Variants in LOC400499 observed in about 807,000 individuals in gnomAD.
chr16:11,450,974 A>T, the LOC400499 span, among the ~76,000 whole-genome samples: 1 of 152,222 alleles, frequency 6.6e-6, no homozygotes, highest in African/African-American at 2.4e-5. Flanking sequence ...GGACGTTGGT[A>T]ATGTTGTGAC....
the LOC400499 span, among the ~76,000 whole-genome samples, chr16:11,380,512 C>T: frequency 1.3e-5 from 2 of 152,032 alleles, no homozygotes; most frequent in Non-Finnish European, 2.9e-5. Context: ...AAGGACAGAG[C>T]AGAGACCCTG....
chr16:11,491,806 C>T, the LOC400499 span: 3 of 398,978 alleles, frequency 7.5e-6, no homozygotes, highest in Non-Finnish European at 1.3e-5. Context: ...ATCTCAGCAT[C>T]CTCCTCCAGG....
At chr16:11,447,442 T>C in the LOC400499 span, among the ~76,000 whole-genome samples, 39 of 152,272 alleles carry the variant, frequency 2.6e-4, no homozygotes, top group East Asian at 3.7e-3. Flanking sequence ...ACTTGGTCCA[T>C]AGTATGTGCT....
At chr16:11,383,849 G>C in the LOC400499 span, 2 of 1,232,034 alleles carry the variant, frequency 1.6e-6, no homozygotes, top group Non-Finnish European at 2.0e-6. Context: ...ATGAGACAAA[G>C]GGCCTTCTGC....
chr16:11,438,408 A>G, the LOC400499 span, among the ~76,000 whole-genome samples: 6 of 152,094 alleles, frequency 3.9e-5, no homozygotes, highest in Non-Finnish European at 1.5e-5. Flanking sequence ...CTCCATTCAG[A>G]GCCATTCTCG....
the LOC400499 span, among the ~76,000 whole-genome samples, chr16:11,417,474 G>A: frequency 6.7e-6 from 1 of 149,870 alleles, no homozygotes; most frequent in East Asian, 1.9e-4. Context: ...TTGGGAGTTA[G>A]GTCATTGACG....
chr16:11,418,000 A>G, the LOC400499 span, among the ~76,000 whole-genome samples: 50,929 of 152,022 alleles, frequency 0.34, 8,572 homozygotes, highest in Non-Finnish European at 0.35. Flanking sequence ...TTGATGACCA[A>G]TGGGGTTACT....
chr16:11,389,020 G>A, the LOC400499 span, among the ~76,000 whole-genome samples: 17 of 152,202 alleles, frequency 1.1e-4, no homozygotes, highest in Non-Finnish European at 2.2e-4. Context: ...TTGGGAGGCA[G>A]AGGTTGCAGT....
chr16:11,522,436 T>C, the LOC400499 span, among the ~76,000 whole-genome samples: 3 of 152,154 alleles, frequency 2.0e-5, no homozygotes, highest in Admixed American at 2.0e-4. Flanking sequence ...GTCCTCTGTG[T>C]TGTCAGGAAA....
At chr16:11,490,473 G>A in the LOC400499 span, among the ~76,000 whole-genome samples, 3 of 152,006 alleles carry the variant, frequency 2.0e-5, no homozygotes, top group South Asian at 2.1e-4. Context: ...GCTGAGGCGG[G>A]CAGATCATGA....
chr16:11,481,464 A>G, the LOC400499 span, among the ~76,000 whole-genome samples: 16 of 152,134 alleles, frequency 1.1e-4, no homozygotes, highest in African/African-American at 3.9e-4. Context: ...GTGGGATTAT[A>G]AACGCCTGCC....
the LOC400499 span, among the ~76,000 whole-genome samples, chr16:11,417,371 T>C: frequency 6.6e-6 from 1 of 152,106 alleles, no homozygotes; most frequent in East Asian, 1.9e-4. Context: ...ACCACACACA[T>C]GCACCACCAC....
the LOC400499 span, chr16:11,478,563 A>T: frequency 2.5e-6 from 1 of 398,610 alleles, no homozygotes; most frequent in African/African-American, 2.1e-5. Flanking sequence ...CGGCCAAGTT[A>T]AGGGGCCAGT....
chr16:11,479,316 G>A, the LOC400499 span, among the ~76,000 whole-genome samples: 8 of 152,068 alleles, frequency 5.3e-5, no homozygotes, highest in Admixed American at 3.9e-4. Context: ...TTAGATTTAC[G>A]GAAAAGTTGA....
chr16:11,414,915 TC>T, the LOC400499 span, among the ~76,000 whole-genome samples: 5 of 152,114 alleles, frequency 3.3e-5, no homozygotes, highest in Non-Finnish European at 7.3e-5. Flanking sequence ...AGGTTCCTGC[TC>T]CCCAAACTCT....
the LOC400499 span, chr16:11,515,890 AGCCTAGC>A: frequency 4.8e-4 from 8 of 16,782 alleles, no homozygotes; most frequent in Non-Finnish European, 1.3e-3. Flanking sequence ...AGCCCAGCCC[AGCCTAGC>A]CCAGCCCAGC....
At chr16:11,388,184 C>T in the LOC400499 span, among the ~76,000 whole-genome samples, 1 of 152,114 alleles carries the variant, frequency 6.6e-6, no homozygotes, top group African/African-American at 2.4e-5. Context: ...CCCTCTCTGC[C>T]ACCTGAATCC....
chr16:11,510,209 T>G, the LOC400499 span, among the ~76,000 whole-genome samples: 1 of 138,236 alleles, frequency 7.2e-6, no homozygotes, highest in Non-Finnish European at 1.7e-5. Context: ...GCTTCAATGC[T>G]CCTTAGCAAA....
chr16:11,460,763 G>A, the LOC400499 span, among the ~76,000 whole-genome samples: 10 of 152,262 alleles, frequency 6.6e-5, no homozygotes, highest in African/African-American at 1.9e-4. Context: ...TCGATGGGGA[G>A]GTGTTAAGAG....
Sources: allele counts gnomAD v4.1 joint callset (sites outside exome capture counted in the v4.1 genomes callset), GRCh38; gene constraint gnomAD v4.1.1; transcripts MANE v1.5.